Variants in MYO9B observed in about 807,000 individuals in gnomAD.
The protein encoded by MYO9B is myosin IXB, also known as unconventional myosin-IXb.
In MYO9B, 71 loss-of-function variants were observed where a neutral mutation model predicts 229.5. That is an observed-to-expected ratio of 0.31 (90% CI 0.26 to 0.38). MYO9B has a LOEUF of 0.38. Ranked by LOEUF, MYO9B falls within the 10% of genes least tolerant of loss-of-function variation. The pLI is 1.00. For missense variants in MYO9B, 2,255 were observed against 2,920.5 expected, an observed-to-expected ratio of 0.77 and a Z score of 5.25; for synonymous variants, 1,185 against 1,235.8, an observed-to-expected ratio of 0.96 and a Z score of 0.86.
intron 19 of MYO9B, among the ~76,000 whole-genome samples, chr19:17,190,546 G>A (rs1394360970): frequency 1.3e-5 from 2 of 150,384 alleles, no homozygotes; most frequent in Admixed American, 1.3e-4. Flanking sequence ...ACTGAGGCAG[G>A]AGGCTCACTT....
chr19:17,140,807 T>A (rs112218863), intron 2 of MYO9B, among the ~76,000 whole-genome samples: 2 of 147,266 alleles, frequency 1.4e-5, no homozygotes, highest in East Asian at 4.4e-4. Flanking sequence ...TTTCAACATA[T>A]AAAGTTTGTC....
intron 6 of MYO9B, among the ~76,000 whole-genome samples, chr19:17,156,387 C>T (rs894479724): frequency 1.3e-5 from 2 of 152,062 alleles, no homozygotes; most frequent in African/African-American, 4.8e-5. Flanking sequence ...TGCACTCCAG[C>T]CTGGGTGACA....
Position 17,172,753 on chromosome 19 carries a change from C to A in MYO9B, c.1936-6C>A, listed in dbSNP as rs948197768. ...CGAGTGACCGCCCACATCCATCCCC[C>A]ACCAGGACTTCCGGGAGAAGAACAT... On this transcript the variant is annotated splice_polypyrimidine_tract_variant and splice_region_variant and intron_variant, in intron 12 of 39. Transcript: ENST00000682292. The surrounding 1 kb of genome is among the most constrained non-coding windows in gnomAD (Gnocchi z 8.2). 3.7e-6 allele frequency: 6 copies of A among 1,613,276 alleles called. No individual in the cohort carries two copies. Among genetic ancestry groups the A allele is most frequent in the Middle Eastern group, 3.3e-4 (2 of 6,084 alleles).
Position 17,092,683 on chromosome 19 carries a change from C to T in MYO9B, c.-58-8977C>T, listed in dbSNP as rs2057649120. 2.0e-5 allele frequency among the ~76,000 whole-genome samples: 3 copies of T among 150,532 alleles called. No homozygotes were observed. In the South Asian group the frequency reaches 6.3e-4, roughly 32 times the overall value. On this transcript the variant is annotated intron_variant, in intron 1 of 39. Coordinates refer to ENST00000682292, the MANE Select transcript of MYO9B (RefSeq NM_004145.4). ...GAGGTTGCAGTGAGCTGAGATCGCA[C>T]CGCTGCATTCCAGCCTGGGTGACAG...
intron 14 of MYO9B, chr19:17,177,568 C>A (rs1397041960): frequency 6.6e-6 from 1 of 152,108 alleles, no homozygotes; most frequent in East Asian, 1.9e-4. Flanking sequence ...ATCTCAAACT[C>A]CTGGCCTCAA....
intron 2 of MYO9B, among the ~76,000 whole-genome samples, chr19:17,124,634 C>T (rs911056320): frequency 6.6e-6 from 1 of 151,634 alleles, no homozygotes; most frequent in African/African-American, 2.4e-5. Flanking sequence ...TAGCCGGGCA[C>T]CTGTAATCCC....
At chr19:17,204,169 C>T (rs2073136466) in intron 30 of MYO9B, among the ~76,000 whole-genome samples, 2 of 151,984 alleles carry the variant, frequency 1.3e-5, no homozygotes, top group African/African-American at 2.4e-5. Context: ...CAGGCCCGTC[C>T]CCTCACCTGA....
intron 6 of MYO9B, among the ~76,000 whole-genome samples, chr19:17,155,609 C>T (rs1280452511): frequency 6.6e-6 from 1 of 151,966 alleles, no homozygotes. Context: ...AAGACCCCAT[C>T]AATTTTTTTT....
At chr19:17,141,284 G>C (rs943036620) in intron 2 of MYO9B, among the ~76,000 whole-genome samples, 1 of 152,042 alleles carries the variant, frequency 6.6e-6, no homozygotes, top group Admixed American at 6.6e-5. Flanking sequence ...ATGGGACCTT[G>C]GCAATGGCCT....
At chr19:17,210,948 C>T (rs2073220761) in intron 38 of MYO9B, 100 bp downstream of exon 38, 5 of 1,289,982 alleles carry the variant, frequency 3.9e-6, no homozygotes, top group Admixed American at 4.4e-5. Context: ...AGGTTTGGTC[C>T]TGTCATCCCT....
At chr19:17,177,284 TG>T (rs143238203) in intron 14 of MYO9B, among the ~76,000 whole-genome samples, 2,602 of 147,942 alleles carry the variant, frequency 0.018, 27 homozygotes, top group Non-Finnish European at 0.028. Flanking sequence ...TTTTGTTTGT[TG>T]GTTTTTTTTT....
At chr19:17,080,951 G>A (rs2057528555) in intron 1 of MYO9B, among the ~76,000 whole-genome samples, 1 of 152,092 alleles carries the variant, frequency 6.6e-6, no homozygotes, top group Admixed American at 6.5e-5. Flanking sequence ...ATTTCTTTGT[G>A]GAGGGGAGTG....
intron 1 of MYO9B, among the ~76,000 whole-genome samples, chr19:17,078,491 G>A (rs1243370847): frequency 6.6e-6 from 1 of 152,260 alleles, no homozygotes; most frequent in African/African-American, 2.4e-5. Context: ...AGCCAGCCAA[G>A]ATTGCGCCAT....
At chr19:17,115,168 T>TA (rs1397171903) in intron 2 of MYO9B, among the ~76,000 whole-genome samples, 2 of 152,160 alleles carry the variant, frequency 1.3e-5, no homozygotes, top group Non-Finnish European at 2.9e-5. Context: ...TCATTTCCTT[T>TA]GGTATCTACC....
At chr19:17,141,622 C>T (rs1445653845) in intron 2 of MYO9B, among the ~76,000 whole-genome samples, 1 of 150,414 alleles carries the variant, frequency 6.6e-6, no homozygotes, top group East Asian at 2.0e-4. Context: ...CTCTTCTCAG[C>T]TTCTCTGTCC....
At chr19:17,180,828 TG>T in intron 14 of MYO9B, 98 bp from the exon 15 acceptor site, 2 of 727,750 alleles carry the variant, frequency 2.7e-6, no homozygotes. Flanking sequence ...TTCAGTGGCC[TG>T]GGGATGGTCC....
intron 2 of MYO9B, among the ~76,000 whole-genome samples, chr19:17,135,778 C>T (rs946462635): frequency 6.6e-6 from 1 of 152,116 alleles, no homozygotes; most frequent in African/African-American, 2.4e-5. Context: ...CCTCATATCC[C>T]AAGGCGTTCC....
chr19:17,202,566 T>C (rs941027686), intron 28 of MYO9B, among the ~76,000 whole-genome samples: 3 of 152,148 alleles, frequency 2.0e-5, no homozygotes, highest in East Asian at 1.9e-4. Flanking sequence ...ATGCTATGCC[T>C]ACCCATCCCT....
At position 17,212,288 on chromosome 19, in the gene MYO9B, C is replaced by T. The variant is rs1170642515; in HGVS notation, c.6452C>T (p.Ala2151Val). Reference sequence around the variant, plus strand: ...CCCCCAACGTACTGCCTGCCCCCCGCCTCGGGCCAGACCAATGGCTGAGAG... The same window carrying T: ...CCCCCAACGTACTGCCTGCCCCCCGTCTCGGGCCAGACCAATGGCTGAGAG... ...SDPPTYCLPP[A>V]SGQTNG Residue 2151 changes from alanine to valine, a missense_variant, in exon 40 of 40, where the codon GCC (alanine) becomes GTC (valine). By Grantham distance (64) the Ala-to-Val change is moderately conservative (BLOSUM62 0). Around this residue, in one of 7 missense-constraint regions of MYO9B, gnomAD observed 331 missense variants for 332.5 expected, o/e 1.00. Transcript: ENST00000682292. This position sits in a 1 kb window ranked among gnomAD's most constrained non-coding sequence, Gnocchi z 5.4. 6.5e-7 allele frequency: 1 copy of T among 1,530,882 alleles called. No individual in the cohort carries two copies. The allele number at this position is 1,530,882 out of a possible 1,614,324, so 94.8% of individuals were successfully genotyped here. A position where few individuals can be genotyped will look rare whatever the true frequency, so the allele number is the denominator to read the frequency against.
Sources: allele counts gnomAD v4.1 joint callset (sites outside exome capture counted in the v4.1 genomes callset), GRCh38; gene constraint gnomAD v4.1.1; regional missense constraint gnomAD v4.1.1; non-coding constraint Gnocchi (gnomAD v3.1); transcripts MANE v1.5; gene names NCBI Gene and HGNC (gene_info 2026-07-23, HGNC 2026-07-21).